CADM1: variants seen among roughly 807,000 people sequenced by gnomAD.
CADM1 encodes cell adhesion molecule 1.
A neutral mutation model predicts 53.1 loss-of-function variants in CADM1; 15 were observed. That is an observed-to-expected ratio of 0.28 (90% CI 0.19 to 0.44). The LOEUF is 0.44. Among genes scored for constraint, CADM1 ranks in the 20% least tolerant of loss-of-function variants. The probability of loss-of-function intolerance (pLI) is 1.00; values close to 1 mark genes in which losing one functional copy is unlikely to be tolerated. For synonymous variants in CADM1, 281 were observed against 243.0 expected, an observed-to-expected ratio of 1.16 and a Z score of -1.45; for missense variants, 434 against 611.3, an observed-to-expected ratio of 0.71 and a Z score of 3.06.
intron 1 of CADM1, among the ~76,000 whole-genome samples, chr11:115,241,968 C>CTT (rs753938722): frequency 7.2e-6 from 1 of 138,478 alleles, no homozygotes; most frequent in Admixed American, 7.3e-5. Flanking sequence ...TTGAAGGATC[C>CTT]TTTTTTTTTT....
chr11:115,257,326 G>A (rs1375920258), intron 1 of CADM1, among the ~76,000 whole-genome samples: 2 of 152,174 alleles, frequency 1.3e-5, no homozygotes. Flanking sequence ...TACTGTGAGT[G>A]TAACTGCAGA....
intron 1 of CADM1, among the ~76,000 whole-genome samples, chr11:115,246,023 A>G (rs1366246965): frequency 6.6e-6 from 1 of 152,210 alleles, no homozygotes; most frequent in Non-Finnish European, 1.5e-5. Flanking sequence ...GTTCTATTTA[A>G]ATATTACAGT....
At chr11:115,429,476 G>T (rs1947983522) in intron 1 of CADM1, among the ~76,000 whole-genome samples, 1 of 151,584 alleles carries the variant, frequency 6.6e-6, no homozygotes, top group African/African-American at 2.4e-5. Context: ...GTTGCGGTGG[G>T]CACCTGTAAT....
At chr11:115,336,740 A>G (rs894391354) in intron 1 of CADM1, among the ~76,000 whole-genome samples, 1 of 152,198 alleles carries the variant, frequency 6.6e-6, no homozygotes, top group Non-Finnish European at 1.5e-5. Flanking sequence ...CTGTCATTTC[A>G]CAGTAGTAAG....
intron 1 of CADM1, among the ~76,000 whole-genome samples, chr11:115,425,293 A>G (rs1324217216): frequency 1.3e-5 from 2 of 152,188 alleles, no homozygotes; most frequent in Non-Finnish European, 2.9e-5. Flanking sequence ...TATTTTCCTA[A>G]CCAAAGTATT....
intron 1 of CADM1, among the ~76,000 whole-genome samples, chr11:115,496,367 T>TTCA (rs1949612698): frequency 6.6e-6 from 1 of 152,146 alleles, no homozygotes; most frequent in South Asian, 2.1e-4. Flanking sequence ...GGAAAAAAGA[T>TTCA]AAAGAGAGTA....
chr11:115,296,943 G>A (rs1487717291), intron 1 of CADM1, among the ~76,000 whole-genome samples: 1 of 152,132 alleles, frequency 6.6e-6, no homozygotes, highest in Non-Finnish European at 1.5e-5. Context: ...AAATAAATCA[G>A]TGAATTAAAT....
chr11:115,414,813 G>A (rs1447858317), intron 1 of CADM1, among the ~76,000 whole-genome samples: 1 of 102,768 alleles, frequency 9.7e-6, no homozygotes, highest in East Asian at 2.9e-4. Context: ...TGCAATTATA[G>A]TTTAAATGTT....
chr11:115,376,665 G>A (rs777866662), intron 1 of CADM1, among the ~76,000 whole-genome samples: 71 of 152,206 alleles, frequency 4.7e-4, no homozygotes, highest in Non-Finnish European at 8.2e-4. Context: ...ATAAACCACT[G>A]ATTGAGAGAA....
chr11:115,385,813 A>G (rs1292223399), intron 1 of CADM1, among the ~76,000 whole-genome samples: 1 of 152,176 alleles, frequency 6.6e-6, no homozygotes, highest in Admixed American at 6.5e-5. Flanking sequence ...CCTTCATCTA[A>G]ATTTCTAAGT....
intron 1 of CADM1, among the ~76,000 whole-genome samples, chr11:115,415,504 G>A (rs1408030094): frequency 6.6e-6 from 1 of 152,088 alleles, no homozygotes; most frequent in Non-Finnish European, 1.5e-5. Flanking sequence ...GAATATGACA[G>A]AACAGTTATA....
intron 1 of CADM1, among the ~76,000 whole-genome samples, chr11:115,436,812 C>T (rs780534313): frequency 6.6e-6 from 1 of 152,114 alleles, no homozygotes; most frequent in Non-Finnish European, 1.5e-5. Context: ...GTAACATAGT[C>T]TGGAATGCAG....
chr11:115,228,960 A>G (rs752331034), intron 5 of CADM1, among the ~76,000 whole-genome samples, 153 bp downstream of exon 5: 29 of 152,376 alleles, frequency 1.9e-4, no homozygotes, highest in Non-Finnish European at 3.1e-4. Flanking sequence ...ATATGGCAGT[A>G]CAATATTTCA....
At chr11:115,183,138 T>A (rs1939390373) in intron 10 of CADM1, among the ~76,000 whole-genome samples, 1 of 152,140 alleles carries the variant, frequency 6.6e-6, no homozygotes, top group East Asian at 1.9e-4. Context: ...AGGCAGTAGT[T>A]CCCCAGGGCG....
intron 1 of CADM1, among the ~76,000 whole-genome samples, chr11:115,303,336 A>G (rs1944283086): frequency 6.6e-6 from 1 of 152,016 alleles, no homozygotes; most frequent in Admixed American, 6.6e-5. Flanking sequence ...TTTGCCCAAG[A>G]GCCAGTAAGT....
At chr11:115,243,930 C>G (rs1231229208) in intron 1 of CADM1, among the ~76,000 whole-genome samples, 6 of 152,174 alleles carry the variant, frequency 3.9e-5, no homozygotes, top group Non-Finnish European at 8.8e-5. Context: ...AGGCTGTTAA[C>G]AGGAAGGTGA....
chr11:115,414,837 G>A lies in CADM1; in HGVS notation c.124+89434C>T, dbSNP rs201201249. On this transcript the variant is annotated intron_variant, in intron 1 of 11. Transcript: ENST00000331581. The stretch of plus-strand genomic sequence containing the variant: ...AGTTTAAATGTTGTTAAATATAAAA[G>A]GTATTCCTCATTATTAGTTTCACTT... 9.0e-3 allele frequency among the ~76,000 whole-genome samples: 3 copies of A among 334 alleles called. No homozygotes were observed. The Admixed American group carries it at 0.094, about 10-fold the overall frequency. 0.2% of individuals were successfully genotyped at this position (334 alleles called of 152,430 possible). A position where few individuals can be genotyped will look rare whatever the true frequency, so the allele number is the denominator to read the frequency against.
At chr11:115,344,289 C>T (rs1945521685) in intron 1 of CADM1, among the ~76,000 whole-genome samples, 1 of 151,980 alleles carries the variant, frequency 6.6e-6, no homozygotes, top group Non-Finnish European at 1.5e-5. Flanking sequence ...ATCTCTGGTA[C>T]TAATCGCAGT....
At chr11:115,222,277 G>T (rs1938736) in intron 5 of CADM1, among the ~76,000 whole-genome samples, 40,568 of 151,906 alleles carry the variant, frequency 0.27, 6,567 homozygotes, top group East Asian at 0.68. Context: ...GGAGTAGAAC[G>T]ACAATGCAAA....
Sources: gnomAD v4.1 joint callset for allele counts (sites outside exome capture counted in the v4.1 genomes callset) on GRCh38, gnomAD v4.1.1 for gene constraint, MANE v1.5 for transcripts, NCBI Gene and HGNC (gene_info 2026-07-23, HGNC 2026-07-21) for gene names.